PANK2: variants seen among roughly 807,000 people sequenced by gnomAD.
PANK2 encodes the protein pantothenate kinase 2, mitochondrial.
Under a neutral mutation model 43.1 loss-of-function variants are expected in PANK2, and 36 were observed. That is an observed-to-expected ratio of 0.84 (90% CI 0.64 to 1.10). The LOEUF (loss-of-function observed/expected upper bound fraction) is 1.10, where lower values mean the gene tolerates loss of function less well. PANK2 is among the 50% of genes least tolerant of loss of function. The pLI is 0.00. For synonymous variants in PANK2, 281 were observed against 238.2 expected, an observed-to-expected ratio of 1.18 and a Z score of -1.66; for missense variants, 576 against 593.3, an observed-to-expected ratio of 0.97 and a Z score of 0.30.
intron 1 of PANK2, among the ~76,000 whole-genome samples, chr20:3,897,776 G>A (rs1313079672): frequency 6.6e-6 from 1 of 152,166 alleles, no homozygotes; most frequent in East Asian, 1.9e-4. Context: ...GGAGGCCGAG[G>A]TGGGCGAATT....
At chr20:3,921,061 TA>T (rs1342964342) in intron 6 of PANK2, among the ~76,000 whole-genome samples, 3 of 152,198 alleles carry the variant, frequency 2.0e-5, no homozygotes, top group Admixed American at 1.3e-4. Context: ...TATTTTATTT[TA>T]TTTTTTTATT....
chr20:3,898,389 G>A (rs1251409977), intron 1 of PANK2, among the ~76,000 whole-genome samples: 1 of 152,004 alleles, frequency 6.6e-6, no homozygotes, highest in African/African-American at 2.4e-5. Context: ...TAGTAGAGAT[G>A]GGGTTTTACC....
At chr20:3,913,851 T>C (rs763613002) in intron 4 of PANK2, among the ~76,000 whole-genome samples, 4 of 150,200 alleles carry the variant, frequency 2.7e-5, no homozygotes, top group African/African-American at 4.9e-5. Flanking sequence ...TGCAGTGGCG[T>C]GATCTCGGCT....
At chr20:3,919,028 T>C (rs1177884105) in intron 6 of PANK2, among the ~76,000 whole-genome samples, 1 of 152,332 alleles carries the variant, frequency 6.6e-6, no homozygotes, top group South Asian at 2.1e-4. Context: ...CACCTCAGTC[T>C]CTTAAGTAGC....
chr20:3,913,936 C>G lies in PANK2; in HGVS notation c.1082+1302C>G, dbSNP rs35571490. Among the ~76,000 whole-genome samples the G allele has an allele frequency of 9.3e-5, 14 of 151,326 alleles. No individual in the cohort carries two copies. The East Asian group carries it at 2.5e-3, about 28-fold the overall frequency. ...TCCAAGTAGCTGGGACTACAGGTGCCTGCCACCACGCCCGGCTATTTTTTT... is the reference window on the plus strand; with the variant it reads ...TCCAAGTAGCTGGGACTACAGGTGCGTGCCACCACGCCCGGCTATTTTTTT... On this transcript the variant is annotated intron_variant, in intron 4 of 6. Coordinates refer to ENST00000610179, the MANE Select transcript of PANK2 (RefSeq NM_001386393.1).
chr20:3,904,857 TTG>T (rs1284805014), intron 1 of PANK2, among the ~76,000 whole-genome samples: 1 of 152,216 alleles, frequency 6.6e-6, no homozygotes, highest in Non-Finnish European at 1.5e-5. Context: ...TTTTTCTAGT[TTG>T]TAAAAGTGAT....
At chr20:3,912,930 CAAAAAAAAAAAAA>C (rs71331078) in intron 4 of PANK2, among the ~76,000 whole-genome samples, 1 of 71,472 alleles carries the variant, frequency 1.4e-5, no homozygotes, top group Non-Finnish European at 2.5e-5. Context: ...GACTCTGTCT[CAAAAAAAAAAAAA>C]AAAAAAAAAA....
rs552274975 is a variant in PANK2, at chr20:3,924,761, G to A, written c.*1467G>A. On this transcript the variant is annotated 3_prime_UTR_variant, in exon 7 of 7. Transcript: ENST00000610179. ...TCTGCTGCCAGCAGCGCTGTTGGTG[G>A]CCTCACCCTCCTCCAGTACCCAGGC... is the stretch of plus-strand genomic sequence containing the variant. 6.5e-6 allele frequency: 1 copy of A among 153,666 alleles called. No homozygotes were observed. The highest frequency in any genetic ancestry group is 1.9e-4 in the East Asian group (1 of 5,212). The allele number at this position is 153,666 out of a possible 1,614,324, so 9.5% of individuals were successfully genotyped here.
intron 1 of PANK2, among the ~76,000 whole-genome samples, chr20:3,902,166 T>G (rs971933385): frequency 8.0e-5 from 12 of 149,366 alleles, no homozygotes; most frequent in African/African-American, 2.9e-4. Context: ...CCTCTCTCTT[T>G]TTTTTTTTTT....
intron 4 of PANK2, among the ~76,000 whole-genome samples, chr20:3,915,439 C>G (rs923872906): frequency 2.0e-5 from 3 of 152,062 alleles, no homozygotes; most frequent in African/African-American, 7.2e-5. Context: ...GCTGGGACTA[C>G]AGTGCGTGCC....
Position 3,889,768 on chromosome 20 carries a change from CCCCCTTCCGGCCCACCCTGT to C in PANK2, c.298+54_298+73del, listed in dbSNP as rs1329882127. ...GGGCGCCCTCCCGGCCCGCCCTGCC[CCCCCTTCCGGCCCACCCTGT>C]CCCCTTCCGGCCCCGCCGCCGTTTT... is the stretch of plus-strand genomic sequence containing the variant. On this transcript the variant is annotated intron_variant, in intron 1 of 6. Transcript: ENST00000610179. 5.0e-5 allele frequency: 79 copies of C among 1,578,738 alleles called. No individual in the cohort carries two copies. The East Asian group carries it at 1.1e-3, about 23-fold the overall frequency.
At chr20:3,895,998 G>C (rs1874279277) in intron 1 of PANK2, among the ~76,000 whole-genome samples, 1 of 151,852 alleles carries the variant, frequency 6.6e-6, no homozygotes, top group African/African-American at 2.4e-5. Flanking sequence ...AACCATCTGT[G>C]GTCTGGTAAA....
intron 2 of PANK2, among the ~76,000 whole-genome samples, chr20:3,909,798 T>G (rs1044313101): frequency 1.4e-4 from 22 of 151,772 alleles, no homozygotes; most frequent in Non-Finnish European, 1.9e-4. Context: ...TTCACCATGT[T>G]GGCCAGGCTG....
chr20:3,909,974 T>A (rs1183712488), intron 2 of PANK2, among the ~76,000 whole-genome samples: 2 of 152,226 alleles, frequency 1.3e-5, no homozygotes, highest in Non-Finnish European at 2.9e-5. Context: ...TAAATGGAAT[T>A]AATTGATTAT....
upstream of PANK2, chr20:3,889,380 C>A (rs199680057): frequency 1.3e-6 from 2 of 1,574,680 alleles, no homozygotes; most frequent in East Asian, 2.3e-5. Flanking sequence ...GCCGAGGGCG[C>A]GCCTCTGCTC....
chr20:3,895,419 G>A (rs1001541575), intron 1 of PANK2, among the ~76,000 whole-genome samples: 3 of 151,510 alleles, frequency 2.0e-5, no homozygotes, highest in African/African-American at 7.3e-5. Flanking sequence ...GAAGATTGAG[G>A]TTGCACTGAG....
intron 1 of PANK2, among the ~76,000 whole-genome samples, chr20:3,896,862 A>C (rs1415227768): frequency 6.6e-6 from 1 of 152,164 alleles, no homozygotes; most frequent in Non-Finnish European, 1.5e-5. Context: ...TGTGTTTCTT[A>C]GGTTCTGTGA....
chr20:3,918,616 T>C, intron 5 of PANK2, 55 bp from the exon 6 acceptor site: 2 of 1,611,670 alleles, frequency 1.2e-6, no homozygotes, highest in South Asian at 2.2e-5. Context: ...GGGTAGCTTT[T>C]ATGAGAAAAT....
At chr20:3,905,568 C>T (rs1317251294) in intron 1 of PANK2, among the ~76,000 whole-genome samples, 5 of 149,808 alleles carry the variant, frequency 3.3e-5, no homozygotes, top group African/African-American at 4.9e-5. Context: ...AGGATGGTCT[C>T]GATCTCCTGA....
Sources: gnomAD v4.1 joint callset for allele counts (sites outside exome capture counted in the v4.1 genomes callset) on GRCh38, gnomAD v4.1.1 for gene constraint, MANE v1.5 for transcripts, NCBI Gene and HGNC (gene_info 2026-07-23, HGNC 2026-07-21) for gene names.